Variants in SYNPR observed in about 807,000 individuals in gnomAD.
The protein encoded by SYNPR is synaptoporin.
SYNPR carries 23 observed loss-of-function variants against 32.9 expected under a neutral mutation model. The ratio of observed to expected loss-of-function variants is 0.70; its 90% CI spans 0.50 to 0.99. The LOEUF (loss-of-function observed/expected upper bound fraction) is 0.99. SYNPR is among the 50% of genes least tolerant of loss of function. The pLI, the probability that SYNPR is intolerant of heterozygous loss-of-function variation, is 0.00. For synonymous variants in SYNPR, 146 were observed against 135.9 expected (o/e 1.07, Z -0.52); for missense variants, 318 against 349.3 (o/e 0.91, Z 0.71).
intron 3 of SYNPR, among the ~76,000 whole-genome samples, chr3:63,504,761 T>C (rs1701551628): frequency 6.6e-6 from 1 of 152,104 alleles, no homozygotes; most frequent in African/African-American, 2.4e-5. Flanking sequence ...ATTCTGAAAG[T>C]TGGTTTGGGA....
At chr3:63,522,358 A>G (rs142580130) in intron 3 of SYNPR, among the ~76,000 whole-genome samples, 1 of 152,316 alleles carries the variant, frequency 6.6e-6, no homozygotes, top group Non-Finnish European at 1.5e-5. Context: ...TATTACCACT[A>G]TTATTGCTAC....
intron 2 of SYNPR, among the ~76,000 whole-genome samples, chr3:63,304,604 C>G (rs1258642685): frequency 4.0e-5 from 6 of 151,872 alleles, no homozygotes; most frequent in African/African-American, 1.4e-4. Context: ...TTAAAAATAT[C>G]ACAAGTGAGA....
chr3:63,582,345 T>C (rs1299631319), intron 4 of SYNPR, among the ~76,000 whole-genome samples: 2 of 152,102 alleles, frequency 1.3e-5, no homozygotes, highest in Admixed American at 1.3e-4. Context: ...TAATTCCTTT[T>C]TCTCATCAAC....
chr3:63,251,316 C>A (rs1301551594), intron 1 of SYNPR, among the ~76,000 whole-genome samples: 1 of 149,928 alleles, frequency 6.7e-6, no homozygotes, highest in Non-Finnish European at 1.5e-5. Context: ...AAAAAATAAT[C>A]CTGGTATCAA....
At chr3:63,245,723 G>A (rs1387426071) in intron 1 of SYNPR, among the ~76,000 whole-genome samples, 1 of 99,698 alleles carries the variant, frequency 1.0e-5, no homozygotes, top group Non-Finnish European at 2.4e-5. Context: ...GTGTGTGTGT[G>A]TGTGTGTGTG....
chr3:63,313,613 C>T (rs1296576158), intron 2 of SYNPR, among the ~76,000 whole-genome samples: 1 of 141,206 alleles, frequency 7.1e-6, no homozygotes, highest in East Asian at 2.2e-4. Flanking sequence ...TGTGTGTATA[C>T]ACACACATAT....
intron 3 of SYNPR, among the ~76,000 whole-genome samples, chr3:63,529,459 G>C (rs893408211): frequency 6.6e-6 from 1 of 152,160 alleles, no homozygotes; most frequent in African/African-American, 2.4e-5. Flanking sequence ...AGGGAGGTCT[G>C]AGTGTACTAA....
chr3:63,571,760 G>A (rs145125151), intron 4 of SYNPR, among the ~76,000 whole-genome samples: 3 of 152,128 alleles, frequency 2.0e-5, no homozygotes, highest in East Asian at 1.9e-4. Context: ...TATTCCTAAG[G>A]TGCTTAGTGT....
At position 63,540,602 on chromosome 3, in the gene SYNPR, G is replaced by A. The variant is rs188453200; in HGVS notation, c.210-15941G>A. 1.1e-4 allele frequency among the ~76,000 whole-genome samples: 16 copies of A among 151,998 alleles called. No homozygotes were observed. In the East Asian group the frequency reaches 3.1e-3, roughly 30 times the overall value. The stretch of plus-strand genomic sequence containing the variant: ...AAGGGGAAATGGTTGTAACATAATG[G>A]GCATGAATTCAATAAAATGTCCACC... On this transcript the variant is annotated intron_variant, in intron 3 of 5. Transcript: ENST00000478300.
At chr3:63,390,286 C>T (rs1378799358) in intron 2 of SYNPR, among the ~76,000 whole-genome samples, 2 of 152,036 alleles carry the variant, frequency 1.3e-5, no homozygotes, top group Non-Finnish European at 2.9e-5. Flanking sequence ...AGCAAGAACA[C>T]ACCCTCTAAA....
intron 3 of SYNPR, among the ~76,000 whole-genome samples, chr3:63,483,747 T>C (rs999028963): frequency 2.6e-5 from 4 of 152,162 alleles, no homozygotes; most frequent in African/African-American, 9.6e-5. Flanking sequence ...GAAAAAAATC[T>C]GTATTTTCAA....
chr3:63,271,574 C>A (rs1334446281), intron 3 of SYNPR, among the ~76,000 whole-genome samples: 2 of 151,962 alleles, frequency 1.3e-5, no homozygotes, highest in African/African-American at 4.8e-5. Context: ...ATGGTAGAAT[C>A]CATTGATCTT....
intron 3 of SYNPR, among the ~76,000 whole-genome samples, chr3:63,503,240 G>T (rs1198055451): frequency 6.6e-6 from 1 of 151,938 alleles, no homozygotes; most frequent in Non-Finnish European, 1.5e-5. Context: ...TTTGCCCTCT[G>T]CATATCTTCT....
intron 2 of SYNPR, among the ~76,000 whole-genome samples, chr3:63,466,365 C>T (rs1228516457): frequency 6.6e-6 from 1 of 152,002 alleles, no homozygotes; most frequent in African/African-American, 2.4e-5. Context: ...TGATTTCATT[C>T]TTGCGGTGTC....
chr3:63,544,373 G>A (rs1052151788), intron 3 of SYNPR, among the ~76,000 whole-genome samples: 6 of 152,038 alleles, frequency 3.9e-5, no homozygotes, highest in African/African-American at 1.2e-4. Flanking sequence ...TTTATTTATG[G>A]TGATATTAAT....
intron 2 of SYNPR, among the ~76,000 whole-genome samples, chr3:63,284,953 CA>C (rs1187089125): frequency 1.3e-5 from 2 of 152,220 alleles, no homozygotes; most frequent in East Asian, 3.8e-4. Context: ...ACCAACTCAT[CA>C]GGGACAAAAT....
intron 2 of SYNPR, among the ~76,000 whole-genome samples, chr3:63,407,895 G>A (rs1187703486): frequency 6.6e-6 from 1 of 151,980 alleles, no homozygotes; most frequent in African/African-American, 2.4e-5. Flanking sequence ...AGTACCTTGA[G>A]ACATTTGAAA....
chr3:63,587,019 C>T (rs1345022179), intron 4 of SYNPR, among the ~76,000 whole-genome samples: 2 of 151,948 alleles, frequency 1.3e-5, no homozygotes, highest in Admixed American at 6.6e-5. Context: ...GAAGCTCTAC[C>T]TATGAAGAAC....
intron 4 of SYNPR, among the ~76,000 whole-genome samples, chr3:63,581,274 C>T (rs1404436068): frequency 6.6e-6 from 1 of 152,072 alleles, no homozygotes; most frequent in African/African-American, 2.4e-5. Context: ...AGAACCATTA[C>T]CTTGAAACCC....
Sources: gnomAD v4.1 joint callset for allele counts (sites outside exome capture counted in the v4.1 genomes callset) on GRCh38, gnomAD v4.1.1 for gene constraint, MANE v1.5 for transcripts, NCBI Gene and HGNC (gene_info 2026-07-23, HGNC 2026-07-21) for gene names.